The following FADS3 variants were observed in gnomAD, a reference collection of about 807,000 sequenced individuals.
FADS3 encodes the protein fatty acid desaturase 3.
In FADS3, 30 loss-of-function variants were observed where a neutral mutation model predicts 60.4. The ratio of observed to expected loss-of-function variants is 0.50; its 90% CI spans 0.37 to 0.67. The LOEUF (loss-of-function observed/expected upper bound fraction) is 0.67, where lower values mean the gene tolerates loss of function less well. Ranked by LOEUF, FADS3 falls within the 30% of genes least tolerant of loss-of-function variation. The pLI, the probability that FADS3 is intolerant of heterozygous loss-of-function variation, is 0.00. For missense variants in FADS3, 432 were observed against 598.3 expected (o/e 0.72, Z 2.90); for synonymous variants, 234 against 249.3 (o/e 0.94, Z 0.58).
intron 1 of FADS3, among the ~76,000 whole-genome samples, chr11:61,888,435 C>G (rs762912303): frequency 6.6e-6 from 1 of 152,250 alleles, no homozygotes; most frequent in Non-Finnish European, 1.5e-5. Context: ...GTGGGTTCAT[C>G]ATGGACAAAG....
chr11:61,890,373 G>C (rs940767938), intron 1 of FADS3: 1 of 152,326 alleles, frequency 6.6e-6, no homozygotes, highest in African/African-American at 2.4e-5. Flanking sequence ...CTCGGGTCTT[G>C]AAGACCTTCC....
chr11:61,879,446 C>A lies in FADS3; in HGVS notation c.388G>T (p.Ala130Ser). The change falls in exon 3 of 12, where the codon GCC (alanine) becomes TCC (serine). Residue 130 changes from alanine (A) to serine (S), a missense_variant. Ala to Ser is a moderately conservative substitution (Grantham distance 99, BLOSUM62 1). Transcript: ENST00000278829. ...QAAEDMKLFDASPTFFAFLLG... is the reference protein window; with the variant it reads ...QAAEDMKLFDSSPTFFAFLLG... ...AGGAAAGCAAAGAAGGTGGGACTGGCATCAAACAGCTTCATGTCCTCGGCT... is the reference window on the plus strand; with the variant it reads ...AGGAAAGCAAAGAAGGTGGGACTGGAATCAAACAGCTTCATGTCCTCGGCT... The A allele has an allele frequency of 6.2e-7, 1 of 1,606,560 alleles. No homozygotes were observed. Among genetic ancestry groups the A allele is most frequent in the Admixed American group, 1.7e-5 (1 of 58,778 alleles).
intron 1 of FADS3, among the ~76,000 whole-genome samples, chr11:61,888,077 C>T (rs1301150548): frequency 6.6e-6 from 1 of 152,204 alleles, no homozygotes; most frequent in African/African-American, 2.4e-5. Flanking sequence ...GGCTGGGCCT[C>T]ATCCCTCCCT....
intron 2 of FADS3, 29 bp downstream of exon 2, chr11:61,880,012 G>A (rs1294349366): frequency 1.9e-6 from 3 of 1,561,032 alleles, no homozygotes; most frequent in Non-Finnish European, 2.6e-6. Context: ...TCCCTCAGGG[G>A]CTGAGCCTCT....
chr11:61,885,165 A>AG (rs1374201716), intron 1 of FADS3, among the ~76,000 whole-genome samples: 1 of 152,164 alleles, frequency 6.6e-6, no homozygotes, highest in Non-Finnish European at 1.5e-5. Flanking sequence ...CTGGAAGCCT[A>AG]GAGTGGCTCA....
chr11:61,873,925 AC>A (rs1437697294), intron 11 of FADS3, 60 bp from the exon 12 acceptor site: 4 of 1,083,216 alleles, frequency 3.7e-6, no homozygotes, highest in Non-Finnish European at 5.6e-6. Context: ...AGATCCTAAC[AC>A]CCCTGTATCC....
At position 61,877,988 on chromosome 11, in the gene FADS3, T is replaced by C; in HGVS notation, c.808+167A>G. 1 of 675,570 alleles carries C rather than the reference T, an allele frequency of 1.5e-6. No homozygotes were observed. Among genetic ancestry groups the C allele is most frequent in the Non-Finnish European group, 2.6e-6 (1 of 380,752 alleles). 41.8% of individuals were successfully genotyped at this position (675,570 alleles called of 1,614,324 possible). ...GGAGACAGCTGGGGCAAAGGCATGCTGCTGGGAGAGTGTGTACAGACTGCA... is the reference window on the plus strand; with the variant it reads ...GGAGACAGCTGGGGCAAAGGCATGCCGCTGGGAGAGTGTGTACAGACTGCA... On this transcript the variant is annotated intron_variant, in intron 6 of 11. Transcript: ENST00000278829. This position sits in a 1 kb window ranked among gnomAD's most constrained non-coding sequence, Gnocchi z 4.7.
In FADS3 at chr11:61,891,280, G is replaced by T. The variant is rs1272063829; in HGVS notation, c.102C>A (p.Pro34=). The T allele has an allele frequency of 5.9e-6, 9 of 1,537,504 alleles. No individual in the cohort carries two copies. The highest frequency in any genetic ancestry group is 7.9e-6 in the Non-Finnish European group (9 of 1,145,902). Residue 34 remains proline, a synonymous_variant, in exon 1 of 12, where the codon CCC becomes CCA. Transcript: ENST00000278829. ...GCTCGATGACCAGCCACTTGTCGCCGGGCTGGTCGTGCGCGCGGATCTGCT... is the reference window on the plus strand; with the variant it reads ...GCTCGATGACCAGCCACTTGTCGCCTGGCTGGTCGTGCGCGCGGATCTGCT... ...CWEQIRAHDQ[P]GDKWLVIERR...
chr11:61,879,601 C>T (rs1938048723), intron 2 of FADS3, 92 bp from the exon 3 acceptor site: 1 of 1,266,504 alleles, frequency 7.9e-7, no homozygotes, highest in Admixed American at 2.0e-5. Flanking sequence ...ATCGCCAGGC[C>T]CAAGGGGTGT....
At chr11:61,878,045 C>G in intron 6 of FADS3, 110 bp downstream of exon 6, 1 of 935,636 alleles carries the variant, frequency 1.1e-6, no homozygotes, top group Non-Finnish European at 1.7e-6. Flanking sequence ...CCAGGGAGAC[C>G]TGACAGACGT....
Position 61,891,204 on chromosome 11 carries a change from G to A in FADS3, c.178C>T (p.Arg60Cys). ...RWAQRHPGGS[R>C]LIGHHGAEDA... ...TCAGCGCCGTGGTGGCCGATGAGGCGGCTGCCCCCTGGGTGCCGCTGTGCC... is the reference window on the plus strand; with the variant it reads ...TCAGCGCCGTGGTGGCCGATGAGGCAGCTGCCCCCTGGGTGCCGCTGTGCC... Residue 60 changes from arginine to cysteine, a missense_variant, in exon 1 of 12, where the codon CGC (arginine) becomes TGC (cysteine). Physicochemically the swap from Arg to Cys is radical, Grantham distance 180. Around this residue, in one of 5 missense-constraint regions of FADS3, gnomAD observed 167 missense variants for 188.8 expected, o/e 0.88. Transcript: ENST00000278829. 1 of 1,561,838 alleles carries A rather than the reference G, an allele frequency of 6.4e-7. No homozygotes were observed. The highest frequency in any genetic ancestry group is 8.7e-7 in the Non-Finnish European group (1 of 1,153,772).
intron 6 of FADS3, 41 bp downstream of exon 6, chr11:61,878,114 C>G: frequency 6.3e-7 from 1 of 1,587,936 alleles, no homozygotes; most frequent in South Asian, 1.1e-5. Flanking sequence ...CAGTGCAGGC[C>G]CAGGCACTCC....
At chr11:61,891,031 C>T in intron 1 of FADS3, 138 bp downstream of exon 1, 1 of 780,442 alleles carries the variant, frequency 1.3e-6, no homozygotes, top group Non-Finnish European at 2.1e-6. Flanking sequence ...CACCCCAACT[C>T]TGGGTCCCGG....
intron 5 of FADS3, 31 bp from the exon 6 acceptor site, chr11:61,878,246 A>G: frequency 2.5e-6 from 4 of 1,607,464 alleles, no homozygotes; most frequent in Non-Finnish European, 3.4e-6. Flanking sequence ...TGGAGACAGC[A>G]GCTCTCCAGG....
At chr11:61,889,808 C>CA (rs1938436497) in intron 1 of FADS3, among the ~76,000 whole-genome samples, 1 of 152,170 alleles carries the variant, frequency 6.6e-6, no homozygotes, top group African/African-American at 2.4e-5. Flanking sequence ...CCAGCCCGAG[C>CA]AACATAGTGA....
At chr11:61,878,488 T>C (rs774043881) in intron 5 of FADS3, 24 bp downstream of exon 5, 11 of 1,609,742 alleles carry the variant, frequency 6.8e-6, no homozygotes, top group South Asian at 4.4e-5. Flanking sequence ...CAGCCAGAGG[T>C]TGTCCACGTC....
At chr11:61,890,872 A>G (rs996483568) in intron 1 of FADS3, among the ~76,000 whole-genome samples, 2 of 152,184 alleles carry the variant, frequency 1.3e-5, no homozygotes, top group African/African-American at 4.8e-5. Context: ...TGGGAGCAAC[A>G]GGGCAGCCCC....
chr11:61,891,573 A>C, upstream of FADS3: 1 of 249,118 alleles, frequency 4.0e-6, no homozygotes, highest in Non-Finnish European at 7.3e-6. Flanking sequence ...CCGCCTTATA[A>C]CCGCGCGGAC....
In FADS3 at chr11:61,877,846, C is replaced by T; in HGVS notation, c.809-259G>A. On this transcript the variant is annotated intron_variant, in intron 6 of 11. Coordinates refer to ENST00000278829, the MANE Select transcript of FADS3 (RefSeq NM_021727.5). The surrounding 1 kb of genome is among the most constrained non-coding windows in gnomAD (Gnocchi z 4.7). ...CACTCTGTCCGCCCCAACAACTGCC[C>T]AAAGACTCTAGGGCTCCGGACCACT... The T allele has an allele frequency of 1.7e-6, 1 of 594,934 alleles. No individual in the cohort carries two copies. The highest frequency in any genetic ancestry group is 3.0e-6 in the Non-Finnish European group (1 of 333,326). The allele number at this position is 594,934 out of a possible 1,614,324, so 36.9% of individuals were successfully genotyped here. A position where few individuals can be genotyped will look rare whatever the true frequency, so the allele number is the denominator to read the frequency against.
Sources: allele counts gnomAD v4.1 joint callset (sites outside exome capture counted in the v4.1 genomes callset), GRCh38; gene constraint gnomAD v4.1.1; regional missense constraint gnomAD v4.1.1; non-coding constraint Gnocchi (gnomAD v3.1); transcripts MANE v1.5; gene names NCBI Gene and HGNC (gene_info 2026-07-23, HGNC 2026-07-21).